DIRAS2: variants seen among roughly 807,000 people sequenced by gnomAD.
The protein encoded by DIRAS2 is DIRAS family GTPase 2.
Under a neutral mutation model 13.9 loss-of-function variants are expected in DIRAS2, and 5 were observed. The observed-to-expected ratio is 0.36, with a 90% CI of 0.19 to 0.76. The LOEUF is 0.76. Among genes scored for constraint, DIRAS2 ranks in the 30% least tolerant of loss-of-function variants. The probability of loss-of-function intolerance (pLI) is 0.53; values close to 1 mark genes in which losing one functional copy is unlikely to be tolerated. For synonymous variants in DIRAS2, 111 were observed against 105.4 expected (o/e 1.05, Z -0.33); for missense variants, 191 against 263.0 (o/e 0.73, Z 1.89).
chr9:90,624,479 T>C (rs778677262), intron 1 of DIRAS2, among the ~76,000 whole-genome samples: 46 of 152,334 alleles, frequency 3.0e-4, no homozygotes, highest in Non-Finnish European at 3.1e-4. Flanking sequence ...GGGTCTCAGC[T>C]GCTCATTTCA....
chr9:90,631,809 C>A (rs959062091), intron 1 of DIRAS2, among the ~76,000 whole-genome samples: 1 of 152,178 alleles, frequency 6.6e-6, no homozygotes, highest in East Asian at 1.9e-4. Context: ...CCCCTGGGTG[C>A]CATGCACACA....
Position 90,626,524 on chromosome 9 carries a change from G to A in DIRAS2, c.-36-12661C>T, listed in dbSNP as rs755466129. 2.6e-5 allele frequency among the ~76,000 whole-genome samples: 4 copies of A among 150,948 alleles called. No homozygotes were observed. In the East Asian group the frequency reaches 7.8e-4, roughly 29 times the overall value. Reference sequence around the variant, plus strand: ...CAAATGGCCAACAAGCACATAAAAAGATGTCAACATCATTAGTCATTAGGG... The same window carrying A: ...CAAATGGCCAACAAGCACATAAAAAAATGTCAACATCATTAGTCATTAGGG... On this transcript the variant is annotated intron_variant, in intron 1 of 1. Transcript: ENST00000375765.
intron 1 of DIRAS2, among the ~76,000 whole-genome samples, chr9:90,619,994 A>T (rs550352530): frequency 2.0e-4 from 31 of 151,842 alleles, no homozygotes; most frequent in African/African-American, 7.2e-4. Context: ...AATTGCAAAT[A>T]TACAGAAAGG....
intron 1 of DIRAS2, among the ~76,000 whole-genome samples, chr9:90,622,302 T>A (rs755861933): frequency 6.7e-6 from 1 of 149,748 alleles, no homozygotes; most frequent in Non-Finnish European, 1.5e-5. Context: ...ACATACCCTA[T>A]CAATAAAGAA....
intron 1 of DIRAS2, among the ~76,000 whole-genome samples, chr9:90,639,695 G>A (rs1418735497): frequency 6.6e-6 from 1 of 152,114 alleles, no homozygotes; most frequent in African/African-American, 2.4e-5. Flanking sequence ...CATGTGAGTT[G>A]GATCCCTCGT....
chr9:90,613,074 G>A lies in DIRAS2; in HGVS notation c.*154C>T. The A allele has an allele frequency of 2.6e-6, 3 of 1,140,620 alleles. No individual in the cohort carries two copies. The highest frequency in any genetic ancestry group is 3.7e-6 in the Non-Finnish European group (3 of 819,600). The allele number at this position is 1,140,620 out of a possible 1,614,324, so 70.7% of individuals were successfully genotyped here. ...GAGTGGGTGGCTTACTGTTGGTGGTGTGAAACGCCCTCTTAAGGACAATAG... is the reference window on the plus strand; with the variant it reads ...GAGTGGGTGGCTTACTGTTGGTGGTATGAAACGCCCTCTTAAGGACAATAG... On this transcript the variant is annotated 3_prime_UTR_variant, in exon 2 of 2. Transcript: ENST00000375765. This position sits in a 1 kb window ranked among gnomAD's most constrained non-coding sequence, Gnocchi z 5.6.
chr9:90,621,069 CT>C (rs1251841043), intron 1 of DIRAS2, among the ~76,000 whole-genome samples: 1 of 151,958 alleles, frequency 6.6e-6, no homozygotes, highest in Non-Finnish European at 1.5e-5. Context: ...GAAAGTAAAT[CT>C]TTGATTTCAC....
chr9:90,637,732 G>T lies in DIRAS2; in HGVS notation c.-37+5020C>A, dbSNP rs143051246. Among the ~76,000 whole-genome samples the T allele has an allele frequency of 2.2e-4, 34 of 152,332 alleles. 1 individual carries two copies. The highest frequency in any genetic ancestry group is 1.9e-3 in the South Asian group (9 of 4,824). On this transcript the variant is annotated intron_variant, in intron 1 of 1. Coordinates refer to ENST00000375765, the MANE Select transcript of DIRAS2 (RefSeq NM_017594.5). The stretch of plus-strand genomic sequence containing the variant: ...TTCTTTGCTCGGTTTTTAGTAGTTT[G>T]CAGGGATGGTATTATCTTAGATTAA...
intron 1 of DIRAS2, among the ~76,000 whole-genome samples, chr9:90,629,687 C>T (rs1044223926): frequency 6.6e-6 from 1 of 152,184 alleles, no homozygotes. Context: ...TATGCACATC[C>T]TCTTGGATAC....
chr9:90,638,025 C>T (rs1312908442), intron 1 of DIRAS2, among the ~76,000 whole-genome samples: 1 of 152,190 alleles, frequency 6.6e-6, no homozygotes, highest in East Asian at 1.9e-4. Flanking sequence ...GTCTTCTGGA[C>T]AGAAATTTAA....
chr9:90,613,140 T>C lies in DIRAS2; in HGVS notation c.*88A>G. 1.3e-6 allele frequency: 2 copies of C among 1,525,692 alleles called. No homozygotes were observed. Among genetic ancestry groups the C allele is most frequent in the Non-Finnish European group, 8.8e-7 (1 of 1,135,246 alleles). 94.5% of individuals were successfully genotyped at this position (1,525,692 alleles called of 1,614,324 possible). A position where few individuals can be genotyped will look rare whatever the true frequency, so the allele number is the denominator to read the frequency against. On this transcript the variant is annotated 3_prime_UTR_variant, in exon 2 of 2. Transcript: ENST00000375765. The surrounding 1 kb of genome is among the most constrained non-coding windows in gnomAD (Gnocchi z 5.6). ...AATGCAATGTTTAACACGTGGGCAT[T>C]ATACATGCTACCCTGACGACGGTGG...
chr9:90,611,169 G>A lies in DIRAS2; in HGVS notation c.*2059C>T, dbSNP rs1825109486. On this transcript the variant is annotated 3_prime_UTR_variant, in exon 2 of 2. Coordinates refer to ENST00000375765, the MANE Select transcript of DIRAS2 (RefSeq NM_017594.5). The stretch of plus-strand genomic sequence containing the variant: ...CAGAAAAAAAATGTCGGGACAAGTT[G>A]AAAAACAAATGTTCCAGAAAATCCG... The A allele has an allele frequency of 6.6e-6, 1 of 152,158 alleles. No homozygotes were observed. The highest frequency in any genetic ancestry group is 2.1e-4 in the South Asian group (1 of 4,832). 9.4% of individuals were successfully genotyped at this position (152,158 alleles called of 1,614,324 possible).
chr9:90,630,050 T>G (rs1331501), intron 1 of DIRAS2, among the ~76,000 whole-genome samples: 1 of 152,138 alleles, frequency 6.6e-6, no homozygotes, highest in Non-Finnish European at 1.5e-5. Flanking sequence ...TCAGTGCTTA[T>G]TTATGCACTT....
At chr9:90,627,473 A>C (rs1160587744) in intron 1 of DIRAS2, among the ~76,000 whole-genome samples, 1 of 152,238 alleles carries the variant, frequency 6.6e-6, no homozygotes, top group Non-Finnish European at 1.5e-5. Flanking sequence ...TACATATAGC[A>C]GTCAAATTCA....
chr9:90,624,442 G>T (rs912750635), intron 1 of DIRAS2, among the ~76,000 whole-genome samples: 1 of 152,082 alleles, frequency 6.6e-6, no homozygotes, highest in Non-Finnish European at 1.5e-5. Context: ...CAGTGGGGCA[G>T]GTACGAAAGC....
At chr9:90,622,461 G>GTTT (rs35016699) in intron 1 of DIRAS2, among the ~76,000 whole-genome samples, 1 of 144,078 alleles carries the variant, frequency 6.9e-6, no homozygotes, top group Non-Finnish European at 1.5e-5. Flanking sequence ...TTTTTCCGGA[G>GTTT]TTTTTTTTTT....
chr9:90,641,103 T>C (rs528227462), intron 1 of DIRAS2, among the ~76,000 whole-genome samples: 13 of 152,142 alleles, frequency 8.5e-5, no homozygotes, highest in African/African-American at 2.7e-4. Context: ...CAATAAATAA[T>C]TTTTTTAAAA....
At position 90,612,601 on chromosome 9, in the gene DIRAS2, A is replaced by C. The variant is rs1825124836; in HGVS notation, c.*627T>G. On this transcript the variant is annotated 3_prime_UTR_variant, in exon 2 of 2. Coordinates refer to ENST00000375765, the MANE Select transcript of DIRAS2 (RefSeq NM_017594.5). ...TGAAGATAAATACTCTAATAGCTTA[A>C]AATGATACTTCCTAACTAGGTCTAG... The C allele has an allele frequency of 6.5e-6, 1 of 153,836 alleles. No individual in the cohort carries two copies. Among genetic ancestry groups the C allele is most frequent in the Non-Finnish European group, 1.4e-5 (1 of 69,246 alleles). 9.5% of individuals were successfully genotyped at this position (153,836 alleles called of 1,614,324 possible).
At chr9:90,635,757 G>T (rs75090839) in intron 1 of DIRAS2, among the ~76,000 whole-genome samples, 1 of 152,310 alleles carries the variant, frequency 6.6e-6, no homozygotes, top group African/African-American at 2.4e-5. Context: ...AGTCTTTGCC[G>T]GTCTTAAGAG....
Sources: gnomAD v4.1 joint callset for allele counts (sites outside exome capture counted in the v4.1 genomes callset) on GRCh38, gnomAD v4.1.1 for gene constraint, Gnocchi (gnomAD v3.1) non-coding constraint, MANE v1.5 for transcripts, NCBI Gene and HGNC (gene_info 2026-07-23, HGNC 2026-07-21) for gene names.